The following TMED10 variants were observed in gnomAD, a reference collection of about 807,000 sequenced individuals.
TMED10 encodes the protein transmembrane emp24 domain-containing protein 10.
A neutral mutation model predicts 23.1 loss-of-function variants in TMED10; 7 were observed. The observed-to-expected ratio is 0.30, with a 90% CI of 0.17 to 0.57. TMED10 has a LOEUF of 0.57. Ranked by LOEUF, TMED10 falls within the 20% of genes least tolerant of loss-of-function variation. The probability of loss-of-function intolerance (pLI) is 0.91; values close to 1 mark genes in which losing one functional copy is unlikely to be tolerated. For missense variants in TMED10, 162 were observed against 274.8 expected, an observed-to-expected ratio of 0.59 and a Z score of 2.90; for synonymous variants, 113 against 106.9, an observed-to-expected ratio of 1.06 and a Z score of -0.35.
At chr14:75,168,041 T>A (rs1240117443) in intron 1 of TMED10, among the ~76,000 whole-genome samples, 1 of 152,182 alleles carries the variant, frequency 6.6e-6, no homozygotes, top group Non-Finnish European at 1.5e-5. Flanking sequence ...TAGACTCAGT[T>A]TGGAGATCTT....
chr14:75,175,057 AAAAAAAAG>A (rs1279077286), intron 1 of TMED10, among the ~76,000 whole-genome samples: 3 of 149,986 alleles, frequency 2.0e-5, no homozygotes, highest in Non-Finnish European at 3.0e-5. Context: ...AAAAAAAAAA[AAAAAAAAG>A]TAAAAATGTT....
intron 1 of TMED10, among the ~76,000 whole-genome samples, chr14:75,157,646 TC>T (rs201758892): frequency 1.4e-5 from 2 of 147,768 alleles, no homozygotes; most frequent in Non-Finnish European, 3.0e-5. Flanking sequence ...TGAGAACATG[TC>T]TCAATAAATA....
chr14:75,176,181 C>T, intron 1 of TMED10, 174 bp downstream of exon 1: 1 of 775,062 alleles, frequency 1.3e-6, no homozygotes, highest in Non-Finnish European at 2.0e-6. Flanking sequence ...CCCGCCCCGC[C>T]CCGCGACAGG....
At chr14:75,153,316 A>T (rs956937914) in intron 1 of TMED10, among the ~76,000 whole-genome samples, 2 of 139,814 alleles carry the variant, frequency 1.4e-5, no homozygotes, top group African/African-American at 2.9e-5. Flanking sequence ...AATTTATCCT[A>T]AAAAAAAAAA....
At chr14:75,175,957 T>C in intron 1 of TMED10, 1 of 268,208 alleles carries the variant, frequency 3.7e-6, no homozygotes, top group South Asian at 3.8e-5. Context: ...CACGGTTAGC[T>C]CTGTCTCCTT....
chr14:75,165,760 A>G (rs1896152687), intron 1 of TMED10, among the ~76,000 whole-genome samples: 1 of 152,186 alleles, frequency 6.6e-6, no homozygotes, highest in African/African-American at 2.4e-5. Flanking sequence ...AATTCTTTCA[A>G]ATTTCTAGTA....
intron 3 of TMED10, among the ~76,000 whole-genome samples, chr14:75,136,331 A>G (rs978625169): frequency 1.3e-5 from 2 of 151,810 alleles, no homozygotes; most frequent in Non-Finnish European, 2.9e-5. Context: ...GCTAATTTTT[A>G]TACTTTTTCT....
chr14:75,150,251 AC>A (rs903004130), intron 2 of TMED10, among the ~76,000 whole-genome samples: 11 of 152,236 alleles, frequency 7.2e-5, no homozygotes, highest in African/African-American at 2.7e-4. Flanking sequence ...AAGTCTTCAA[AC>A]AAAACAAAAC....
At chr14:75,171,535 C>A (rs1896233233) in intron 1 of TMED10, among the ~76,000 whole-genome samples, 1 of 152,166 alleles carries the variant, frequency 6.6e-6, no homozygotes, top group Non-Finnish European at 1.5e-5. Flanking sequence ...CCGCCTTGGC[C>A]TCCCAAAGCG....
chr14:75,174,193 G>T (rs1309164677), intron 1 of TMED10, among the ~76,000 whole-genome samples: 1 of 152,134 alleles, frequency 6.6e-6, no homozygotes, highest in East Asian at 1.9e-4. Context: ...TTCCTACCCT[G>T]AGGATACTAA....
In TMED10 at chr14:75,176,405, C is replaced by T; in HGVS notation, c.175G>A (p.Glu59Lys). The change falls in exon 1 of 5, where the codon GAG (glutamate) becomes AAG (lysine). Residue 59 changes from glutamate (E) to lysine (K), a missense_variant. Around this residue, in one of 2 missense-constraint regions of TMED10, gnomAD observed 126 missense variants for 239.5 expected, o/e 0.53. Transcript: ENST00000303575. Reference sequence around the variant, plus strand: ...GCGCCCCCAGACTGGTCGGAGATCTCGTACGCGCCAGTCACTAGCAGGTCC... The same window carrying T: ...GCGCCCCCAGACTGGTCGGAGATCTTGTACGCGCCAGTCACTAGCAGGTCC... ...HKDLLVTGAY[E>K]ISDQSGGAGG... is the part of the protein sequence containing the mutation. The T allele has an allele frequency of 2.5e-6, 4 of 1,614,228 alleles. No individual in the cohort carries two copies. Among genetic ancestry groups the T allele is most frequent in the Non-Finnish European group, 3.4e-6 (4 of 1,180,036 alleles).
intron 3 of TMED10, among the ~76,000 whole-genome samples, chr14:75,142,151 T>C (rs144560354): frequency 1.3e-5 from 2 of 152,338 alleles, no homozygotes; most frequent in African/African-American, 4.8e-5. Context: ...GCATGAGGTA[T>C]GTTTTGCCAA....
chr14:75,171,506 C>T (rs1896232952), intron 1 of TMED10, among the ~76,000 whole-genome samples: 1 of 152,118 alleles, frequency 6.6e-6, no homozygotes, highest in Admixed American at 6.5e-5. Flanking sequence ...TCTCAAACTC[C>T]TAACCTTCAG....
At chr14:75,146,625 C>T (rs892241120) in intron 3 of TMED10, among the ~76,000 whole-genome samples, 1 of 152,156 alleles carries the variant, frequency 6.6e-6, no homozygotes, top group Non-Finnish European at 1.5e-5. Context: ...GCCCCCAAGT[C>T]TCGCAGAGAT....
chr14:75,141,376 C>T (rs1895820673), intron 3 of TMED10, among the ~76,000 whole-genome samples: 1 of 152,024 alleles, frequency 6.6e-6, no homozygotes. Context: ...CATGTACACA[C>T]ATAACTGCCA....
intron 1 of TMED10, among the ~76,000 whole-genome samples, chr14:75,163,230 A>T (rs1896106003): frequency 6.6e-6 from 1 of 152,050 alleles, no homozygotes; most frequent in Non-Finnish European, 1.5e-5. Flanking sequence ...TGACAGAGCA[A>T]GACCCTGTCT....
At chr14:75,151,687 G>A (rs896062379) in intron 2 of TMED10, among the ~76,000 whole-genome samples, 2 of 152,104 alleles carry the variant, frequency 1.3e-5, no homozygotes, top group African/African-American at 4.8e-5. Context: ...GAACCTACAT[G>A]GACACATCAC....
intron 1 of TMED10, among the ~76,000 whole-genome samples, chr14:75,154,569 G>T (rs1166221564): frequency 1.3e-5 from 2 of 151,064 alleles, no homozygotes; most frequent in Admixed American, 1.3e-4. Context: ...AAGTTTTATG[G>T]CACATCTTCT....
chr14:75,172,863 T>C (rs1896251373), intron 1 of TMED10, among the ~76,000 whole-genome samples: 1 of 152,162 alleles, frequency 6.6e-6, no homozygotes. Flanking sequence ...AACAAATCAA[T>C]GCCCGAACCA....
Sources: allele counts gnomAD v4.1 joint callset (sites outside exome capture counted in the v4.1 genomes callset), GRCh38; gene constraint gnomAD v4.1.1; regional missense constraint gnomAD v4.1.1; transcripts MANE v1.5; gene names NCBI Gene and HGNC (gene_info 2026-07-23, HGNC 2026-07-21).